Variants in RTN4IP1 observed in about 807,000 individuals in gnomAD.
RTN4IP1 encodes reticulon 4 interacting protein 1.
In RTN4IP1, 32 loss-of-function variants were observed where a neutral mutation model predicts 46.6. The observed-to-expected ratio is 0.69, with a 90% CI of 0.52 to 0.92. The LOEUF (loss-of-function observed/expected upper bound fraction) is 0.92. RTN4IP1 is among the 40% of genes least tolerant of loss of function. The pLI, the probability that RTN4IP1 is intolerant of heterozygous loss-of-function variation, is 0.00. For missense variants in RTN4IP1, 424 were observed against 485.8 expected (o/e 0.87, Z 1.20); for synonymous variants, 167 against 161.8 (o/e 1.03, Z -0.24).
At chr6:106,621,241 A>C (rs527451346) in intron 3 of RTN4IP1, among the ~76,000 whole-genome samples, 184 bp downstream of exon 3, 1 of 152,350 alleles carries the variant, frequency 6.6e-6, no homozygotes, top group East Asian at 1.9e-4. Flanking sequence ...CTACGTTAGC[A>C]GGCAGTGTTA....
At chr6:106,602,762 A>G in intron 5 of RTN4IP1, 112 bp downstream of exon 5, 1 of 645,894 alleles carries the variant, frequency 1.5e-6, no homozygotes, top group Non-Finnish European at 2.6e-6. Flanking sequence ...AAATTACAGT[A>G]CATTTACCAG....
intron 7 of RTN4IP1, among the ~76,000 whole-genome samples, chr6:106,586,669 A>T (rs1392498087): frequency 6.6e-6 from 1 of 152,154 alleles, no homozygotes; most frequent in Non-Finnish European, 1.5e-5. Flanking sequence ...CACCGTGCCC[A>T]GCCTATCTTT....
chr6:106,616,187 G>T (rs948017599), intron 4 of RTN4IP1, among the ~76,000 whole-genome samples: 1 of 152,274 alleles, frequency 6.6e-6, no homozygotes, highest in South Asian at 2.1e-4. Flanking sequence ...AAAGTGCTGG[G>T]ATTACAGGCA....
At chr6:106,593,393 T>C (rs941713121) in intron 5 of RTN4IP1, among the ~76,000 whole-genome samples, 2 of 152,364 alleles carry the variant, frequency 1.3e-5, no homozygotes, top group East Asian at 1.9e-4. Context: ...TTTTCTATAA[T>C]GTTAATTTCA....
At chr6:106,601,767 T>G (rs920367037) in intron 5 of RTN4IP1, among the ~76,000 whole-genome samples, 6 of 151,236 alleles carry the variant, frequency 4.0e-5, no homozygotes, top group Non-Finnish European at 8.9e-5. Context: ...CATGCCACCA[T>G]GTCCAACTAA....
rs1242154532 is a variant in RTN4IP1 at position 106,612,179 on chromosome 6, G to T, written c.620+7023C>A. ...AGGCAGGTGGATCACCTGAGGTCAG[G>T]TGTTCGAGACCAGCCTGGCCAACAT... is the stretch of plus-strand genomic sequence containing the variant. On this transcript the variant is annotated intron_variant, in intron 4 of 8. Transcript: ENST00000369063. Among the ~76,000 whole-genome samples, 5 of 152,002 alleles carry T rather than the reference G, an allele frequency of 3.3e-5. No individual in the cohort carries two copies. The East Asian group carries it at 9.6e-4, about 29-fold the overall frequency.
intron 7 of RTN4IP1, among the ~76,000 whole-genome samples, chr6:106,585,748 T>C (rs1775468213): frequency 6.6e-6 from 1 of 152,140 alleles, no homozygotes; most frequent in Non-Finnish European, 1.5e-5. Context: ...CTTAAAAGGT[T>C]TTCACATGAG....
At chr6:106,597,706 T>TA (rs1031103261) in intron 5 of RTN4IP1, among the ~76,000 whole-genome samples, 1 of 151,250 alleles carries the variant, frequency 6.6e-6, no homozygotes, top group African/African-American at 2.4e-5. Context: ...TTTTTTTTTT[T>TA]AATTATACTT....
At chr6:106,613,364 C>G (rs991604764) in intron 4 of RTN4IP1, among the ~76,000 whole-genome samples, 7 of 152,106 alleles carry the variant, frequency 4.6e-5, no homozygotes, top group Non-Finnish European at 1.0e-4. Context: ...TATCACTGCA[C>G]CCAGCACAGG....
At chr6:106,594,163 AAC>A (rs1290133438) in intron 5 of RTN4IP1, among the ~76,000 whole-genome samples, 2 of 152,220 alleles carry the variant, frequency 1.3e-5, no homozygotes, top group Non-Finnish European at 1.5e-5. Context: ...ATGTTTTAAA[AAC>A]AGTTTTACTT....
intron 4 of RTN4IP1, among the ~76,000 whole-genome samples, chr6:106,616,104 C>T (rs796505141): frequency 9.9e-5 from 15 of 152,068 alleles, no homozygotes; most frequent in African/African-American, 3.6e-4. Flanking sequence ...TTTTTAGTAG[C>T]GACGGGGTTT....
rs1775053323 is a variant in RTN4IP1 at position 106,571,359 on chromosome 6, C to T, written c.*637G>A. The T allele has an allele frequency of 6.6e-6, 1 of 152,254 alleles. No homozygotes were observed. Among genetic ancestry groups the T allele is most frequent in the African/African-American group, 2.4e-5 (1 of 41,462 alleles). 9.4% of individuals were successfully genotyped at this position (152,254 alleles called of 1,614,324 possible). On this transcript the variant is annotated 3_prime_UTR_variant, in exon 9 of 9. Coordinates refer to ENST00000369063, the MANE Select transcript of RTN4IP1 (RefSeq NM_032730.5). ...AGAAGGAACCAGCTTTAAATTATCT[C>T]TTCATGCCAACATCCATCTATACAC...
chr6:106,608,109 G>A (rs1776132330), intron 4 of RTN4IP1, among the ~76,000 whole-genome samples: 2 of 152,130 alleles, frequency 1.3e-5, no homozygotes, highest in Admixed American at 1.3e-4. Flanking sequence ...AACAGGTAAA[G>A]AAAATGTGGT....
chr6:106,600,653 G>A (rs988541863), intron 5 of RTN4IP1, among the ~76,000 whole-genome samples: 4 of 151,594 alleles, frequency 2.6e-5, no homozygotes, highest in African/African-American at 7.3e-5. Flanking sequence ...CTAAACATAC[G>A]ATATAAATGG....
chr6:106,577,308 C>A (rs1388508405), intron 8 of RTN4IP1, among the ~76,000 whole-genome samples: 1 of 151,632 alleles, frequency 6.6e-6, no homozygotes, highest in African/African-American at 2.4e-5. Context: ...AGGGGCATTC[C>A]TGTCCAAGAG....
intron 3 of RTN4IP1, 122 bp downstream of exon 3, chr6:106,621,303 A>T: frequency 1.4e-6 from 1 of 711,180 alleles, no homozygotes; most frequent in African/African-American, 1.8e-5. Flanking sequence ...TATATTCTAT[A>T]TTATCTTTTT....
chr6:106,604,505 C>T (rs115972505), intron 4 of RTN4IP1, among the ~76,000 whole-genome samples: 231 of 152,254 alleles, frequency 1.5e-3, no homozygotes, highest in African/African-American at 5.1e-3. Flanking sequence ...ATCCCGGCCA[C>T]GGTCTCTCAT....
chr6:106,606,431 T>C (rs1394260815), intron 4 of RTN4IP1, among the ~76,000 whole-genome samples: 1 of 151,920 alleles, frequency 6.6e-6, no homozygotes, highest in African/African-American at 2.4e-5. Flanking sequence ...AAAAAGAAAT[T>C]TTTTTAAATA....
chr6:106,587,602 G>GA, intron 7 of RTN4IP1, 77 bp downstream of exon 7: 1 of 1,377,842 alleles, frequency 7.3e-7, no homozygotes, highest in Non-Finnish European at 1.0e-6. Context: ...CAAGAGAAGA[G>GA]AAACTGGCTA....
Sources: allele counts gnomAD v4.1 joint callset (sites outside exome capture counted in the v4.1 genomes callset), GRCh38; gene constraint gnomAD v4.1.1; transcripts MANE v1.5; gene names NCBI Gene and HGNC (gene_info 2026-07-23, HGNC 2026-07-21).